Variants in CADPS2 observed in about 807,000 individuals in gnomAD.
The protein encoded by CADPS2 is calcium dependent secretion activator 2.
CADPS2 carries 93 observed loss-of-function variants against 172.5 expected under a neutral mutation model. The ratio of observed to expected loss-of-function variants is 0.54; its 90% CI spans 0.46 to 0.64. The LOEUF is 0.64. Among genes scored for constraint, CADPS2 ranks in the 30% least tolerant of loss-of-function variants. The pLI is 0.00. For missense variants in CADPS2, 1,420 were observed against 1,565.9 expected (o/e 0.91, Z 1.57); for synonymous variants, 546 against 555.2 (o/e 0.98, Z 0.23).
At chr7:122,709,862 A>T (rs1387822134) in intron 2 of CADPS2, among the ~76,000 whole-genome samples, 2 of 151,912 alleles carry the variant, frequency 1.3e-5, no homozygotes, top group East Asian at 3.9e-4. Flanking sequence ...AACAATGAGA[A>T]CACATGGACA....
At chr7:122,561,408 G>T (rs912596963) in intron 7 of CADPS2, among the ~76,000 whole-genome samples, 1 of 151,984 alleles carries the variant, frequency 6.6e-6, no homozygotes, top group Non-Finnish European at 1.5e-5. Flanking sequence ...ATTATCCTAA[G>T]TGGATATATT....
chr7:122,369,078 T>C (rs553860593), intron 25 of CADPS2, among the ~76,000 whole-genome samples: 2 of 152,058 alleles, frequency 1.3e-5, no homozygotes, highest in African/African-American at 4.8e-5. Context: ...CTATTTTTTT[T>C]CCCTTGGTAA....
At position 122,686,600 on chromosome 7, in the gene CADPS2, T is replaced by G. The variant is rs899886100; in HGVS notation, c.454-23031A>C. On this transcript the variant is annotated intron_variant, in intron 2 of 29. Coordinates refer to ENST00000449022, the MANE Select transcript of CADPS2 (RefSeq NM_017954.11). ...ACAAGTTCCCAGGTGATGCTGAGGCTGCTCGAAGATGCTTTTCCCTGGGGA... is the reference window on the plus strand; with the variant it reads ...ACAAGTTCCCAGGTGATGCTGAGGCGGCTCGAAGATGCTTTTCCCTGGGGA... 1.2e-4 allele frequency among the ~76,000 whole-genome samples: 18 copies of G among 152,340 alleles called. No individual in the cohort carries two copies. The South Asian group carries it at 3.3e-3, about 28-fold the overall frequency.
At chr7:122,486,701 T>G (rs1277076867) in intron 11 of CADPS2, among the ~76,000 whole-genome samples, 1 of 152,180 alleles carries the variant, frequency 6.6e-6, no homozygotes, top group African/African-American at 2.4e-5. Context: ...TCAAAGAAGT[T>G]CTACTTTGGG....
intron 6 of CADPS2, among the ~76,000 whole-genome samples, chr7:122,581,510 T>C (rs2068812388): frequency 6.6e-6 from 1 of 152,118 alleles, no homozygotes; most frequent in African/African-American, 2.4e-5. Flanking sequence ...ATTAGCATGT[T>C]GGACTATAAA....
At chr7:122,863,091 A>G (rs1414437779) in intron 1 of CADPS2, among the ~76,000 whole-genome samples, 1 of 152,192 alleles carries the variant, frequency 6.6e-6, no homozygotes, top group Non-Finnish European at 1.5e-5. Flanking sequence ...GGCTGATACA[A>G]GCATCCTGTA....
intron 1 of CADPS2, among the ~76,000 whole-genome samples, chr7:122,773,106 T>C (rs1171643960): frequency 6.6e-6 from 1 of 152,102 alleles, no homozygotes; most frequent in African/African-American, 2.4e-5. Context: ...TTATTTCAAA[T>C]GTCCAATTGT....
intron 27 of CADPS2, among the ~76,000 whole-genome samples, chr7:122,359,117 G>A (rs1169804754): frequency 1.3e-5 from 2 of 152,088 alleles, no homozygotes; most frequent in Admixed American, 1.3e-4. Context: ...TGAATAAATT[G>A]AGAATGTTTA....
intron 3 of CADPS2, among the ~76,000 whole-genome samples, chr7:122,648,183 C>T (rs2078763321): frequency 6.6e-6 from 1 of 152,038 alleles, no homozygotes; most frequent in African/African-American, 2.4e-5. Flanking sequence ...TAGTTCTTCT[C>T]CCACCCCACT....
chr7:122,535,676 C>A (rs1454367155), intron 8 of CADPS2, among the ~76,000 whole-genome samples: 4 of 151,952 alleles, frequency 2.6e-5, no homozygotes, highest in Non-Finnish European at 5.9e-5. Context: ...TTGATGAAAA[C>A]AAATATATAT....
rs562954823 is a variant in CADPS2 at position 122,815,233 on chromosome 7, A to C, written c.339+70766T>G. Reference sequence around the variant, plus strand: ...TGTAAGGTTTGTTTCCTCTAGTTAAACTGTTAAGTCAGTCTGCAAAGCTCA... The same window carrying C: ...TGTAAGGTTTGTTTCCTCTAGTTAACCTGTTAAGTCAGTCTGCAAAGCTCA... On this transcript the variant is annotated intron_variant, in intron 1 of 29. Transcript: ENST00000449022. Among the ~76,000 whole-genome samples the C allele has an allele frequency of 2.0e-5, 3 of 152,154 alleles. No homozygotes were observed. The South Asian group carries it at 6.2e-4, about 32-fold the overall frequency.
At chr7:122,713,118 T>C (rs2136785255) in intron 2 of CADPS2, among the ~76,000 whole-genome samples, 1 of 152,262 alleles carries the variant, frequency 6.6e-6, no homozygotes, top group South Asian at 2.1e-4. Flanking sequence ...AAGCAGCCCA[T>C]ACAGCATATC....
intron 3 of CADPS2, among the ~76,000 whole-genome samples, chr7:122,646,705 C>A (rs906342093): frequency 3.9e-5 from 6 of 152,026 alleles, no homozygotes; most frequent in Non-Finnish European, 8.8e-5. Context: ...GAAAGCTTAA[C>A]CAAGGAGTAT....
At position 122,437,899 on chromosome 7, in the gene CADPS2, T is replaced by C. The variant is rs115783806; in HGVS notation, c.2476+442A>G. Reference sequence around the variant, plus strand: ...CAATTAAAAACCGAAGGAAGTTCTATGAGTTTATTTCAGCCCTCAATAATC... The same window carrying C: ...CAATTAAAAACCGAAGGAAGTTCTACGAGTTTATTTCAGCCCTCAATAATC... On this transcript the variant is annotated intron_variant, in intron 17 of 29. Transcript: ENST00000449022. 1.6e-3 allele frequency among the ~76,000 whole-genome samples: 249 copies of C among 152,154 alleles called. 2 individuals are homozygous for C. The highest frequency in any genetic ancestry group is 5.7e-3 in the African/African-American group (238 of 41,520).
chr7:122,809,931 G>A (rs1799663039), intron 1 of CADPS2, among the ~76,000 whole-genome samples: 1 of 152,082 alleles, frequency 6.6e-6, no homozygotes, highest in African/African-American at 2.4e-5. Flanking sequence ...CTAATGGCAG[G>A]TGCTAATGGT....
intron 1 of CADPS2, among the ~76,000 whole-genome samples, chr7:122,872,233 T>A (rs907194834): frequency 6.6e-6 from 1 of 152,146 alleles, no homozygotes; most frequent in Non-Finnish European, 1.5e-5. Flanking sequence ...CCTAGGACTC[T>A]AAGATATGGT....
At chr7:122,637,894 G>T (rs1350473158) in intron 3 of CADPS2, among the ~76,000 whole-genome samples, 1 of 152,128 alleles carries the variant, frequency 6.6e-6, no homozygotes, top group Admixed American at 6.5e-5. Context: ...TTTATGTCTG[G>T]ATTTTTGCCT....
At chr7:122,771,079 C>T (rs923306690) in intron 1 of CADPS2, among the ~76,000 whole-genome samples, 1 of 152,078 alleles carries the variant, frequency 6.6e-6, no homozygotes, top group African/African-American at 2.4e-5. Flanking sequence ...TGAGGCTGAA[C>T]CTCAGGGATT....
intron 9 of CADPS2, among the ~76,000 whole-genome samples, chr7:122,503,224 T>C (rs1019464186): frequency 5.9e-5 from 9 of 151,818 alleles, no homozygotes; most frequent in Non-Finnish European, 1.3e-4. Context: ...TTAGTAGAGA[T>C]GGGGTTTCGC....
Sources: gnomAD v4.1 joint callset for allele counts (sites outside exome capture counted in the v4.1 genomes callset) on GRCh38, gnomAD v4.1.1 for gene constraint, MANE v1.5 for transcripts, NCBI Gene and HGNC (gene_info 2026-07-23, HGNC 2026-07-21) for gene names.